The following BABAM2 variants were observed in gnomAD, a reference collection of about 807,000 sequenced individuals.
BABAM2 encodes the protein BRISC and BRCA1-A complex member 2.
In BABAM2, 31 loss-of-function variants were observed where a neutral mutation model predicts 54.7. That is an observed-to-expected ratio of 0.57 (90% CI 0.43 to 0.77). BABAM2 has a LOEUF of 0.77. BABAM2 is among the 30% of genes least tolerant of loss of function. The pLI is 0.00. For missense variants in BABAM2, 364 were observed against 455.8 expected (o/e 0.80, Z 1.83); for synonymous variants, 167 against 162.9 (o/e 1.03, Z -0.19).
At chr2:28,088,075 A>G (rs551178363) in intron 6 of BABAM2, among the ~76,000 whole-genome samples, 4 of 152,294 alleles carry the variant, frequency 2.6e-5, no homozygotes, top group Non-Finnish European at 5.9e-5. Context: ...TTGTACCATA[A>G]ATCTCTAAAT....
chr2:27,998,662 T>A (rs1673351165), intron 4 of BABAM2, among the ~76,000 whole-genome samples: 1 of 152,146 alleles, frequency 6.6e-6, no homozygotes, highest in African/African-American at 2.4e-5. Context: ...TCATAGAGAG[T>A]TCCACTTGAA....
Position 28,215,018 on chromosome 2 carries a change from A to G in BABAM2, c.681-22184A>G, listed in dbSNP as rs562779527. ...CATCAATGAATGTCAAGCAGAATTT[A>G]TTATATACTGCTAACTAGACTAGAC... On this transcript the variant is annotated intron_variant, in intron 7 of 11. Transcript: ENST00000379624. 3.4e-3 allele frequency among the ~76,000 whole-genome samples: 512 copies of G among 152,236 alleles called. 2 individuals carry two copies. Among genetic ancestry groups the G allele is most frequent in the African/African-American group, 0.012 (489 of 41,550 alleles).
At chr2:28,251,199 A>G (rs1683449100) in intron 10 of BABAM2, among the ~76,000 whole-genome samples, 1 of 152,218 alleles carries the variant, frequency 6.6e-6, no homozygotes, top group Non-Finnish European at 1.5e-5. Context: ...GACATTAAGT[A>G]AAAGGAAAGC....
At chr2:28,226,326 A>G (rs926980610) in intron 7 of BABAM2, among the ~76,000 whole-genome samples, 5 of 152,198 alleles carry the variant, frequency 3.3e-5, no homozygotes, top group African/African-American at 1.2e-4. Context: ...GACTATTTCC[A>G]TAAAGATATA....
At chr2:28,327,064 C>T (rs1200431152) in intron 11 of BABAM2, among the ~76,000 whole-genome samples, 1 of 152,168 alleles carries the variant, frequency 6.6e-6, no homozygotes, top group Non-Finnish European at 1.5e-5. Context: ...GAATACGACC[C>T]ATGGGCTTTG....
chr2:27,984,617 T>G (rs1672259150), intron 3 of BABAM2, among the ~76,000 whole-genome samples: 2 of 152,056 alleles, frequency 1.3e-5, no homozygotes, highest in Admixed American at 1.3e-4. Flanking sequence ...TGCTATGACT[T>G]CTTCTTCTTT....
chr2:27,924,266 A>T (rs1020210604), intron 2 of BABAM2, among the ~76,000 whole-genome samples: 2 of 152,196 alleles, frequency 1.3e-5, no homozygotes, highest in African/African-American at 2.4e-5. Context: ...CAAAAGCACA[A>T]TCAAGTCAAA....
chr2:27,920,588 A>G lies in BABAM2; in HGVS notation c.129-9244A>G, dbSNP rs1667278835. ...GATCTTTGAGCATATTTTATTTGAG[A>G]GTCACTTGTTATTTTAGGTTGCCAA... On this transcript the variant is annotated intron_variant, in intron 2 of 11. Coordinates refer to ENST00000379624, the MANE Select transcript of BABAM2 (RefSeq NM_199191.3). Among the ~76,000 whole-genome samples, 6 of 152,274 alleles carry G rather than the reference A, an allele frequency of 3.9e-5. 1 individual carries two copies. The highest frequency in any genetic ancestry group is 3.9e-4 in the Admixed American group (6 of 15,274).
intron 7 of BABAM2, among the ~76,000 whole-genome samples, chr2:28,218,498 C>G (rs904291684): frequency 6.6e-6 from 1 of 152,056 alleles, no homozygotes; most frequent in African/African-American, 2.4e-5. Context: ...CATCTTGTTC[C>G]TTAATTTGGG....
rs190084078 is a variant in BABAM2 at position 28,224,529 on chromosome 2, C to T, written c.681-12673C>T. ...TGGCTTACTAAATTGTGGGATGCTT[C>T]GTACTTCAGTTTGCGGTACTTGAGC... On this transcript the variant is annotated intron_variant, in intron 7 of 11. Coordinates refer to ENST00000379624, the MANE Select transcript of BABAM2 (RefSeq NM_199191.3). Among the ~76,000 whole-genome samples the T allele has an allele frequency of 3.4e-3, 511 of 152,228 alleles. 2 individuals carry two copies. Among genetic ancestry groups the T allele is most frequent in the African/African-American group, 0.012 (487 of 41,532 alleles).
At chr2:28,265,616 A>G (rs1684913825) in intron 10 of BABAM2, among the ~76,000 whole-genome samples, 1 of 152,094 alleles carries the variant, frequency 6.6e-6, no homozygotes, top group Non-Finnish European at 1.5e-5. Flanking sequence ...GTACAGTCCT[A>G]TTCATACACA....
chr2:27,995,002 C>T lies in BABAM2; in HGVS notation c.300+6915C>T, dbSNP rs1673039980. 6.6e-6 allele frequency among the ~76,000 whole-genome samples: 1 copy of T among 152,194 alleles called. No homozygotes were observed. Among genetic ancestry groups the T allele is most frequent in the South Asian group, 2.1e-4 (1 of 4,822 alleles). ...AAGGAGATCTCTAAAGAATGCAAGACTAGCAGTTGTAGGGAGCAGCTATTC... is the reference window on the plus strand; with the variant it reads ...AAGGAGATCTCTAAAGAATGCAAGATTAGCAGTTGTAGGGAGCAGCTATTC... On this transcript the variant is annotated intron_variant, in intron 4 of 11. Coordinates refer to ENST00000379624, the MANE Select transcript of BABAM2 (RefSeq NM_199191.3). This position sits in a 1 kb window ranked among gnomAD's most constrained non-coding sequence, Gnocchi z 4.1.
At chr2:28,051,113 C>G (rs1372308631) in intron 6 of BABAM2, among the ~76,000 whole-genome samples, 1 of 152,194 alleles carries the variant, frequency 6.6e-6, no homozygotes, top group South Asian at 2.1e-4. Flanking sequence ...TGCAGTGTTA[C>G]TGTTAGTCTC....
At chr2:28,249,350 A>C (rs972596321) in intron 10 of BABAM2, among the ~76,000 whole-genome samples, 2 of 151,936 alleles carry the variant, frequency 1.3e-5, no homozygotes, top group African/African-American at 4.8e-5. Flanking sequence ...AGGCCTCCCA[A>C]AGTGCTGGGA....
chr2:28,326,775 C>G (rs949127852), intron 11 of BABAM2, among the ~76,000 whole-genome samples: 1 of 152,128 alleles, frequency 6.6e-6, no homozygotes, highest in African/African-American at 2.4e-5. Flanking sequence ...TGAACCATCC[C>G]CAAATTCTGC....
At chr2:27,959,390 A>T (rs1175031047) in intron 3 of BABAM2, among the ~76,000 whole-genome samples, 1 of 152,202 alleles carries the variant, frequency 6.6e-6, no homozygotes, top group Non-Finnish European at 1.5e-5. Flanking sequence ...CTATTACTGG[A>T]TAAAAGAACA....
At chr2:28,093,404 A>G (rs1246759931) in intron 6 of BABAM2, among the ~76,000 whole-genome samples, 2 of 152,074 alleles carry the variant, frequency 1.3e-5, no homozygotes, top group African/African-American at 2.4e-5. Context: ...TTTTATTTCA[A>G]ATTCAGTTTT....
intron 10 of BABAM2, among the ~76,000 whole-genome samples, chr2:28,286,027 C>A (rs939845083): frequency 2.0e-5 from 3 of 150,922 alleles, no homozygotes; most frequent in Non-Finnish European, 4.4e-5. Flanking sequence ...ACAATCTCGG[C>A]TCACTGCAAC....
intron 7 of BABAM2, among the ~76,000 whole-genome samples, chr2:28,185,008 A>G (rs980776300): frequency 9.9e-5 from 15 of 152,282 alleles, no homozygotes; most frequent in African/African-American, 2.9e-4. Flanking sequence ...TGAAACTTTT[A>G]TGTTACTCTC....
Sources: gnomAD v4.1 joint callset for allele counts (sites outside exome capture counted in the v4.1 genomes callset) on GRCh38, gnomAD v4.1.1 for gene constraint, Gnocchi (gnomAD v3.1) non-coding constraint, MANE v1.5 for transcripts, NCBI Gene and HGNC (gene_info 2026-07-23, HGNC 2026-07-21) for gene names.